ASAP2: variants seen among roughly 807,000 people sequenced by gnomAD.
The protein encoded by ASAP2 is arf-GAP with SH3 domain, ANK repeat and PH domain-containing protein 2.
In ASAP2, 45 loss-of-function variants were observed where a neutral mutation model predicts 131.4. That is an observed-to-expected ratio of 0.34 (90% CI 0.27 to 0.44). The LOEUF is 0.44. ASAP2 is among the 20% of genes least tolerant of loss of function. The pLI, the probability that ASAP2 is intolerant of heterozygous loss-of-function variation, is 1.00. For synonymous variants in ASAP2, 510 were observed against 503.0 expected, an observed-to-expected ratio of 1.01 and a Z score of -0.19; for missense variants, 1,011 against 1,297.0, an observed-to-expected ratio of 0.78 and a Z score of 3.39.
At chr2:9,341,257 G>A (rs1199293089) in intron 9 of ASAP2, among the ~76,000 whole-genome samples, 2 of 152,192 alleles carry the variant, frequency 1.3e-5, no homozygotes, top group Non-Finnish European at 2.9e-5. Flanking sequence ...GGCTAACAAA[G>A]GCTATTGTTA....
At chr2:9,401,238 C>G in intron 26 of ASAP2, 36 bp from the exon 27 acceptor site, 1 of 1,610,902 alleles carries the variant, frequency 6.2e-7, no homozygotes. Context: ...CTGAGGCCTG[C>G]AGCCACACTA....
intron 1 of ASAP2, among the ~76,000 whole-genome samples, chr2:9,234,110 C>CAA (rs70948810): frequency 2.1e-4 from 16 of 76,558 alleles, no homozygotes; most frequent in African/African-American, 2.6e-4. Flanking sequence ...AGCTATGTCT[C>CAA]AAAAAAAAAA....
chr2:9,394,159 C>CTTTTTTTTTTTTTTTTTTTTTT (rs71389241), intron 24 of ASAP2, among the ~76,000 whole-genome samples: 1 of 81,740 alleles, frequency 1.2e-5, no homozygotes, highest in Non-Finnish European at 2.3e-5. Flanking sequence ...TAGTTTGTGG[C>CTTTTTTTTTTTTTTTTTTTTTT]TTTTTTTTTT....
At position 9,385,253 on chromosome 2, in the gene ASAP2, A is replaced by C. The variant is rs1168715150; in HGVS notation, c.2025A>C (p.Gln675His). Residue 675 changes from glutamine (Q) to histidine (H), a missense_variant, in exon 21 of 28, where the codon CAA becomes CAC. Gln to His is a conservative substitution (Grantham distance 24). Transcript: ENST00000281419. Reference protein sequence around the residue: ...KHEHCEELLTQALSGRFNSHV... With the variant: ...KHEHCEELLTHALSGRFNSHV... ...TCCCTCTGTTCTCTCAGCTGACCCA[A>C]GCCTTATCTGGAAGATTTAATTCTC... The C allele has an allele frequency of 7.4e-6, 12 of 1,613,360 alleles. No homozygotes were observed. The highest frequency in any genetic ancestry group is 4.0e-5 in the African/African-American group (3 of 74,934).
At chr2:9,250,335 G>A (rs1038745078) in intron 1 of ASAP2, among the ~76,000 whole-genome samples, 2 of 152,294 alleles carry the variant, frequency 1.3e-5, no homozygotes, top group South Asian at 2.1e-4. Context: ...CAGGGAAAGA[G>A]GGGAAAGAAC....
At chr2:9,331,769 A>C (rs375828907) in intron 7 of ASAP2, among the ~76,000 whole-genome samples, 9 of 150,618 alleles carry the variant, frequency 6.0e-5, no homozygotes, top group African/African-American at 2.2e-4. Flanking sequence ...TTTTTTTTTC[A>C]AAAAAAATAC....
At chr2:9,225,587 T>G (rs1165671408) in intron 1 of ASAP2, among the ~76,000 whole-genome samples, 2 of 152,054 alleles carry the variant, frequency 1.3e-5, no homozygotes, top group African/African-American at 4.8e-5. Context: ...AGTTGGAAAT[T>G]GATTCAGAAG....
rs7587474 is a variant in ASAP2 at position 9,343,579 on chromosome 2, T to C, written c.850-953T>C. On this transcript the variant is annotated intron_variant, in intron 9 of 27. Coordinates refer to ENST00000281419, the MANE Select transcript of ASAP2 (RefSeq NM_003887.3). ...CTCCTGCTTCAGCCTCCCGCATACC[T>C]GGGACTACCAGCGCCTGCCACCATA... is the stretch of plus-strand genomic sequence containing the variant. 6.3e-4 allele frequency among the ~76,000 whole-genome samples: 96 copies of C among 152,288 alleles called. 2 individuals are homozygous for C. The highest frequency in any genetic ancestry group is 2.1e-3 in the African/African-American group (89 of 41,550).
chr2:9,400,911 AGTCTTCCCCTCTTCCCC>A (rs1263441770), intron 26 of ASAP2, 81 bp downstream of exon 26: 2 of 1,350,816 alleles, frequency 1.5e-6, no homozygotes, highest in African/African-American at 2.9e-5. Flanking sequence ...AGGGGAAGCA[AGTCTTCCCCTCTTCCCC>A]TGGCTGGGGC....
At chr2:9,397,457 C>T (rs974315124) in intron 24 of ASAP2, among the ~76,000 whole-genome samples, 4 of 152,084 alleles carry the variant, frequency 2.6e-5, no homozygotes, top group African/African-American at 7.2e-5. Context: ...CGGGGATGGA[C>T]GGAGCCATGT....
rs544552650 is a variant in ASAP2 at position 9,323,044 on chromosome 2, A to C, written c.471-77A>C. 8.2e-5 allele frequency: 129 copies of C among 1,572,668 alleles called. No homozygotes were observed. The African/African-American group carries it at 1.6e-3, about 20-fold the overall frequency. ...GAGCGTTGGTCTCGCCAGGCTGGGT[A>C]CTGGGGTGGCTTCAAGGCTGTCCCG... On this transcript the variant is annotated intron_variant, in intron 5 of 27. Transcript: ENST00000281419.
intron 1 of ASAP2, among the ~76,000 whole-genome samples, chr2:9,238,800 G>A (rs117954442): frequency 0.012 from 1,770 of 152,222 alleles, 69 homozygotes; most frequent in Admixed American, 0.077. Context: ...AAAACACCCC[G>A]AAAGCTTCCC....
Position 9,214,806 on chromosome 2 carries a change from G to A in ASAP2, c.126+7576G>A, listed in dbSNP as rs184173411. Among the ~76,000 whole-genome samples the A allele has an allele frequency of 4.4e-3, 657 of 150,376 alleles. 8 individuals carry two copies. Among genetic ancestry groups the A allele is most frequent in the African/African-American group, 0.015 (616 of 40,934 alleles). ...AAAAAAAAAAAAAAAAAAGTGAACA[G>A]GACTAGCTCCTTCCTTAGAAAGCAC... On this transcript the variant is annotated intron_variant, in intron 1 of 27. Transcript: ENST00000281419.
At chr2:9,212,241 A>G (rs993523309) in intron 1 of ASAP2, among the ~76,000 whole-genome samples, 13 of 152,312 alleles carry the variant, frequency 8.5e-5, no homozygotes, top group African/African-American at 3.1e-4. Context: ...GTCCAGCAAG[A>G]GGAACAGAAT....
At chr2:9,276,622 C>A (rs923796117) in intron 1 of ASAP2, among the ~76,000 whole-genome samples, 39 of 152,110 alleles carry the variant, frequency 2.6e-4, no homozygotes, top group African/African-American at 9.2e-4. Flanking sequence ...ACTGCAACCT[C>A]CACCTCCCAG....
intron 1 of ASAP2, among the ~76,000 whole-genome samples, chr2:9,247,930 C>T: frequency 6.6e-6 from 1 of 152,194 alleles, no homozygotes; most frequent in Non-Finnish European, 1.5e-5. Context: ...TATGATGTAT[C>T]CTCCCAGCTC....
intron 9 of ASAP2, among the ~76,000 whole-genome samples, chr2:9,339,035 C>T (rs1198907338): frequency 6.6e-6 from 1 of 152,096 alleles, no homozygotes; most frequent in Non-Finnish European, 1.5e-5. Context: ...AAAAATTGGC[C>T]AGTTGTAGTG....
intron 3 of ASAP2, among the ~76,000 whole-genome samples, chr2:9,299,342 A>G (rs1462753180): frequency 6.6e-6 from 1 of 152,188 alleles, no homozygotes; most frequent in Non-Finnish European, 1.5e-5. Context: ...ACGTTATGGC[A>G]TGGAGCAATG....
At chr2:9,398,915 T>C (rs894904268) in intron 24 of ASAP2, 1 of 151,738 alleles carries the variant, frequency 6.6e-6, no homozygotes, top group Non-Finnish European at 1.5e-5. Flanking sequence ...TCCCTGCGAG[T>C]GTTCTGTAGT....
Sources: allele counts gnomAD v4.1 joint callset (sites outside exome capture counted in the v4.1 genomes callset), GRCh38; gene constraint gnomAD v4.1.1; transcripts MANE v1.5; gene names NCBI Gene and HGNC (gene_info 2026-07-23, HGNC 2026-07-21).